P2RX1: variants seen among roughly 807,000 people sequenced by gnomAD.
The protein encoded by P2RX1 is purinergic receptor P2X 1.
P2RX1 carries 42 observed loss-of-function variants against 50.3 expected under a neutral mutation model. The ratio of observed to expected loss-of-function variants is 0.83; its 90% CI spans 0.65 to 1.08. The LOEUF is 1.08. Among genes scored for constraint, P2RX1 ranks in the 50% least tolerant of loss-of-function variants. The pLI is 0.00. For synonymous variants in P2RX1, 199 were observed against 202.6 expected (o/e 0.98, Z 0.15); for missense variants, 449 against 529.0 (o/e 0.85, Z 1.48).
chr17:3,903,755 G>T lies in P2RX1; in HGVS notation c.525-124C>A, dbSNP rs2056201446. On this transcript the variant is annotated intron_variant, in intron 5 of 11. Coordinates refer to ENST00000225538, the MANE Select transcript of P2RX1 (RefSeq NM_002558.4). This position sits in a 1 kb window ranked among gnomAD's most constrained non-coding sequence, Gnocchi z 4.6. ...ACCCGCCTGCAGCCCTGGGCTGGTG[G>T]AGGGGTGGGTGTGCTCTAGCGTGGC... is the stretch of plus-strand genomic sequence containing the variant. The T allele has an allele frequency of 3.5e-6, 4 of 1,154,004 alleles. No homozygotes were observed. The highest frequency in any genetic ancestry group is 5.2e-6 in the Non-Finnish European group (4 of 774,922). The allele number at this position is 1,154,004 out of a possible 1,614,324, so 71.5% of individuals were successfully genotyped here.
At position 3,898,630 on chromosome 17, in the gene P2RX1, C is replaced by T. The variant is rs867554176; in HGVS notation, c.967-81G>A. 85 of 1,050,892 alleles carry T rather than the reference C, an allele frequency of 8.1e-5. No individual in the cohort carries two copies. The Middle Eastern group carries it at 2.8e-3, about 35-fold the overall frequency. The allele number at this position is 1,050,892 out of a possible 1,614,324, so 65.1% of individuals were successfully genotyped here. ...AAAGGCCGGACCTGGGACAAGGGGA[C>T]TTCCCCACCCTCGGCTGTGAACTGT... On this transcript the variant is annotated intron_variant, in intron 9 of 11. Coordinates refer to ENST00000225538, the MANE Select transcript of P2RX1 (RefSeq NM_002558.4).
At chr17:3,901,551 G>A (rs1379854393) in intron 7 of P2RX1, among the ~76,000 whole-genome samples, 1 of 152,208 alleles carries the variant, frequency 6.6e-6, no homozygotes, top group Non-Finnish European at 1.5e-5. Flanking sequence ...TAGTTGGCAC[G>A]GAGCCCATAT....
At chr17:3,901,875 CG>C (rs1314103513) in intron 7 of P2RX1, among the ~76,000 whole-genome samples, 12 of 152,056 alleles carry the variant, frequency 7.9e-5, no homozygotes, top group African/African-American at 2.9e-4. Context: ...ACTTGACCCT[CG>C]GGGCGACCCC....
rs138831466 is a variant in P2RX1 at position 3,916,154 on chromosome 17, C to A, written c.72G>T (p.Val24=). The stretch of plus-strand genomic sequence containing the variant: ...AGATAACGCCCACCTTCTTATTACG[C>A]ACCAGCACCATGCGGGGGGTGTCAT... The part of the protein sequence containing the change: ...FEYDTPRMVL[V]RNKKVGVIFR... Residue 24 remains valine, a synonymous_variant, in exon 1 of 12, where the codon GTG becomes GTT. Coordinates refer to ENST00000225538, the MANE Select transcript of P2RX1 (RefSeq NM_002558.4). The A allele has an allele frequency of 7.4e-6, 12 of 1,613,498 alleles. No homozygotes were observed. The South Asian group carries it at 1.3e-4, about 18-fold the overall frequency.
Position 3,903,655 on chromosome 17 carries a change from C to G in P2RX1, c.525-24G>C, listed in dbSNP as rs2056197609. ...GGCTGGAGGACACCACACGCACTCA[C>G]CGCCCCTCCCCAGGAGGCCCCCTGT... On this transcript the variant is annotated intron_variant, in intron 5 of 11. Coordinates refer to ENST00000225538, the MANE Select transcript of P2RX1 (RefSeq NM_002558.4). The surrounding 1 kb of genome is among the most constrained non-coding windows in gnomAD (Gnocchi z 4.6). The G allele has an allele frequency of 6.2e-7, 1 of 1,610,824 alleles. No individual in the cohort carries two copies. Among genetic ancestry groups the G allele is most frequent in the African/African-American group, 1.3e-5 (1 of 75,014 alleles).
chr17:3,912,170 G>A (rs12603104), intron 1 of P2RX1, among the ~76,000 whole-genome samples: 41,271 of 151,890 alleles, frequency 0.27, 6,623 homozygotes, highest in East Asian at 0.48. Context: ...GACTGGACCC[G>A]CAGGAATTCC....
At chr17:3,907,766 G>T (rs1302001719) in intron 1 of P2RX1, among the ~76,000 whole-genome samples, 2 of 152,148 alleles carry the variant, frequency 1.3e-5, no homozygotes, top group African/African-American at 4.8e-5. Context: ...GCTGCCTCCA[G>T]CCCCATCAGG....
rs1396942089 is a variant in P2RX1, at chr17:3,896,715, G to A, written c.*1099C>T. The A allele has an allele frequency of 6.6e-6, 1 of 152,256 alleles. No homozygotes were observed. Among genetic ancestry groups the A allele is most frequent in the East Asian group, 1.9e-4 (1 of 5,198 alleles). The allele number at this position is 152,256 out of a possible 1,614,324, so 9.4% of individuals were successfully genotyped here. ...AGGCAGGGAGCCCAGGATTTGGCTG[G>A]GGCTCCCACCCCAACCCGAGGTAGC... On this transcript the variant is annotated 3_prime_UTR_variant, in exon 12 of 12. Transcript: ENST00000225538.
At chr17:3,907,360 A>T (rs1489398348) in intron 1 of P2RX1, among the ~76,000 whole-genome samples, 1 of 144,624 alleles carries the variant, frequency 6.9e-6, no homozygotes. Context: ...GTATACCTGC[A>T]GGGCAAATCT....
intron 7 of P2RX1, among the ~76,000 whole-genome samples, chr17:3,900,874 G>A (rs996746230): frequency 5.3e-5 from 8 of 152,184 alleles, no homozygotes; most frequent in African/African-American, 1.9e-4. Context: ...GAAGGAATCT[G>A]TGAAGACCTG....
In P2RX1 at chr17:3,902,147, C is replaced by T. The variant is rs146206357; in HGVS notation, c.747+1055G>A. The stretch of plus-strand genomic sequence containing the variant: ...TTTTTATTTATTTTTATTTTTGAGA[C>T]GGAGTCATTCTGTCGCCTGGGCTAG... On this transcript the variant is annotated intron_variant, in intron 7 of 11. Transcript: ENST00000225538. Among the ~76,000 whole-genome samples the T allele has an allele frequency of 1.1e-3, 167 of 152,228 alleles. 3 individuals carry two copies. In the East Asian group the frequency reaches 0.028, roughly 25 times the overall value.
intron 1 of P2RX1, among the ~76,000 whole-genome samples, chr17:3,913,696 T>C (rs2056401717): frequency 6.6e-6 from 1 of 152,214 alleles, no homozygotes; most frequent in African/African-American, 2.4e-5. Context: ...CAGGTCTGTC[T>C]CTGTGTCCAC....
chr17:3,899,521 C>G (rs2143960558), intron 8 of P2RX1, 113 bp downstream of exon 8: 2 of 1,434,560 alleles, frequency 1.4e-6, no homozygotes, highest in South Asian at 2.3e-5. Flanking sequence ...TGAGAGCTGC[C>G]CAGGACCCTC....
rs2056067595 is a variant in P2RX1, at chr17:3,898,120, G to A, written c.1033-10C>T. ...CACAGAGAACTGTGGCCTGGGGTCAGGGAAGGGCACGGAGACAGCGTGGGA... is the reference window on the plus strand; with the variant it reads ...CACAGAGAACTGTGGCCTGGGGTCAAGGAAGGGCACGGAGACAGCGTGGGA... On this transcript the variant is annotated splice_polypyrimidine_tract_variant and intron_variant, in intron 10 of 11. Transcript: ENST00000225538. 1 of 1,611,668 alleles carries A rather than the reference G, an allele frequency of 6.2e-7. No homozygotes were observed. The highest frequency in any genetic ancestry group is 8.5e-7 in the Non-Finnish European group (1 of 1,178,322).
rs2144089559 is a variant in P2RX1, at chr17:3,914,872, CAA to C, written c.137+1215_137+1216del. 6.6e-6 allele frequency among the ~76,000 whole-genome samples: 1 copy of C among 152,300 alleles called. No individual in the cohort carries two copies. The highest frequency in any genetic ancestry group is 2.4e-5 in the African/African-American group (1 of 41,570). ...CACAGATGTCAAATTAGTTTCTGAA[CAA>C]GAGAGAGGAGAGGTCAAGGCTGGGG... On this transcript the variant is annotated intron_variant, in intron 1 of 11. Transcript: ENST00000225538. The surrounding 1 kb of genome is among the most constrained non-coding windows in gnomAD (Gnocchi z 4.1).
rs766609558 is a variant in P2RX1 at position 3,903,967 on chromosome 17, A to G, written c.485T>C (p.Phe162Ser). The G allele has an allele frequency of 1.9e-6, 3 of 1,614,098 alleles. No homozygotes were observed. Among genetic ancestry groups the G allele is most frequent in the East Asian group, 4.5e-5 (2 of 44,882 alleles). ...FNDTVKTCEI[F>S]GWCPVEVDDD... ...ATCCACCTCCACGGGGCACCAGCCA[A>G]AGATCTCACACGTCTTCACAGTGTC... Residue 162 changes from phenylalanine (F) to serine (S), a missense_variant, in exon 5 of 12, where the codon TTT becomes TCT. Phe to Ser is a radical substitution (Grantham distance 155). Transcript: ENST00000225538. The surrounding 1 kb of genome is among the most constrained non-coding windows in gnomAD (Gnocchi z 4.6).
chr17:3,913,767 G>T (rs1466658610), intron 1 of P2RX1, among the ~76,000 whole-genome samples: 1 of 152,208 alleles, frequency 6.6e-6, no homozygotes, highest in Non-Finnish European at 1.5e-5. Flanking sequence ...CTTCTCTCAT[G>T]CTCCTTTCCA....
chr17:3,904,724 G>A, intron 3 of P2RX1, 134 bp downstream of exon 3: 1 of 710,454 alleles, frequency 1.4e-6, no homozygotes, highest in Admixed American at 2.1e-5. Flanking sequence ...GTGTGAATAT[G>A]CGCCCAAATT....
intron 2 of P2RX1, 107 bp from the exon 3 acceptor site, chr17:3,905,036 G>A (rs1490140913): frequency 4.4e-6 from 5 of 1,127,780 alleles, no homozygotes; most frequent in Non-Finnish European, 6.4e-6. Flanking sequence ...CACAGGACAC[G>A]CAGCAGCCAC....
Sources: allele counts gnomAD v4.1 joint callset (sites outside exome capture counted in the v4.1 genomes callset), GRCh38; gene constraint gnomAD v4.1.1; non-coding constraint Gnocchi (gnomAD v3.1); transcripts MANE v1.5; gene names NCBI Gene and HGNC (gene_info 2026-07-23, HGNC 2026-07-21).